HSPA12A: variants seen among roughly 807,000 people sequenced by gnomAD.
HSPA12A encodes the protein heat shock protein family A (Hsp70) member 12A, also known as heat shock 70 kDa protein 12A.
Under a neutral mutation model 69.2 loss-of-function variants are expected in HSPA12A, and 28 were observed. The ratio of observed to expected loss-of-function variants is 0.40; its 90% CI spans 0.30 to 0.55. The LOEUF (loss-of-function observed/expected upper bound fraction) is 0.55. Among genes scored for constraint, HSPA12A ranks in the 20% least tolerant of loss-of-function variants. The probability of loss-of-function intolerance (pLI) is 0.38; values close to 1 mark genes in which losing one functional copy is unlikely to be tolerated. For synonymous variants in HSPA12A, 345 were observed against 370.5 expected, an observed-to-expected ratio of 0.93 and a Z score of 0.79; for missense variants, 686 against 900.7, an observed-to-expected ratio of 0.76 and a Z score of 3.05.
intron 2 of HSPA12A, among the ~76,000 whole-genome samples, chr10:116,810,524 C>A (rs1324405312): frequency 2.6e-5 from 4 of 152,156 alleles, no homozygotes; most frequent in African/African-American, 9.7e-5. Context: ...AAGCACGGCA[C>A]TTTCATATTC....
chr10:116,794,467 G>A (rs1447095986), intron 2 of HSPA12A, among the ~76,000 whole-genome samples: 1 of 152,094 alleles, frequency 6.6e-6, no homozygotes, highest in Non-Finnish European at 1.5e-5. Flanking sequence ...CTGAACACAT[G>A]CAGATCACAT....
At chr10:116,742,827 G>A (rs1398005849), upstream of HSPA12A, among the ~76,000 whole-genome samples, 1 of 151,940 alleles carries the variant, frequency 6.6e-6, no homozygotes, top group Non-Finnish European at 1.5e-5. Flanking sequence ...CGCGGCGGGG[G>A]TAGTGGCGCG....
intron 10 of HSPA12A, among the ~76,000 whole-genome samples, chr10:116,678,281 G>A (rs1406119009): frequency 3.9e-5 from 5 of 129,344 alleles, no homozygotes; most frequent in South Asian, 2.6e-4. Flanking sequence ...ACCACCACCC[G>A]TAAGGCAGAT....
intron 1 of HSPA12A, among the ~76,000 whole-genome samples, chr10:116,727,618 C>G (rs1418527960): frequency 6.6e-6 from 1 of 152,130 alleles, no homozygotes; most frequent in African/African-American, 2.4e-5. Context: ...TAGTAGAAAC[C>G]ATACTTTGAG....
chr10:116,782,156 AAC>A (rs1477021079), intron 2 of HSPA12A, among the ~76,000 whole-genome samples: 1 of 152,214 alleles, frequency 6.6e-6, no homozygotes, highest in African/African-American at 2.4e-5. Flanking sequence ...TGACCAAGAA[AAC>A]ACAAAGTGAG....
At chr10:116,774,873 C>T (rs782283292) in intron 2 of HSPA12A, among the ~76,000 whole-genome samples, 1 of 152,198 alleles carries the variant, frequency 6.6e-6, no homozygotes, top group Non-Finnish European at 1.5e-5. Context: ...GGCTCCTGCA[C>T]CAGCCCCTCG....
chr10:116,720,396 C>T (rs1477530888), intron 1 of HSPA12A, among the ~76,000 whole-genome samples: 1 of 152,228 alleles, frequency 6.6e-6, no homozygotes, highest in Non-Finnish European at 1.5e-5. Context: ...ACTGGCCTCT[C>T]CCAGACACCC....
intron 2 of HSPA12A, among the ~76,000 whole-genome samples, chr10:116,809,338 G>A (rs1463835318): frequency 1.3e-5 from 2 of 152,184 alleles, no homozygotes; most frequent in Non-Finnish European, 2.9e-5. Context: ...AAAGCACCCT[G>A]AACCCTCATG....
At chr10:116,684,053 G>C in intron 6 of HSPA12A, 91 bp from the exon 7 acceptor site, 3 of 1,102,438 alleles carry the variant, frequency 2.7e-6, no homozygotes, top group Non-Finnish European at 3.7e-6. Flanking sequence ...CCCTAAGGAG[G>C]GCGCACTCGT....
At chr10:116,696,720 C>T (rs782202786) in intron 5 of HSPA12A, among the ~76,000 whole-genome samples, 3 of 152,132 alleles carry the variant, frequency 2.0e-5, no homozygotes, top group Admixed American at 6.6e-5. Flanking sequence ...GCTTGGCATC[C>T]GCAGCTCTGC....
intron 2 of HSPA12A, among the ~76,000 whole-genome samples, chr10:116,827,284 A>AG (rs1386516884): frequency 6.6e-6 from 1 of 152,192 alleles, no homozygotes; most frequent in African/African-American, 2.4e-5. Flanking sequence ...GTCTTCCTCA[A>AG]GGGGGAGCCT....
intron 2 of HSPA12A, chr10:116,828,893 A>G (rs1406962260): frequency 1.3e-5 from 2 of 152,230 alleles, no homozygotes; most frequent in Non-Finnish European, 2.9e-5. Flanking sequence ...CAGAAACACC[A>G]GTTGCCTCAG....
intron 2 of HSPA12A, among the ~76,000 whole-genome samples, chr10:116,753,088 T>G (rs1157308719): frequency 1.3e-5 from 2 of 152,210 alleles, no homozygotes; most frequent in Non-Finnish European, 2.9e-5. Context: ...CAAGGGATGT[T>G]GGCCACGTGT....
intron 1 of HSPA12A, among the ~76,000 whole-genome samples, chr10:116,714,749 C>A (rs1439669458): frequency 6.6e-6 from 1 of 152,228 alleles, no homozygotes; most frequent in Non-Finnish European, 1.5e-5. Context: ...TCTGCAGTCT[C>A]TTCTCTCTCT....
chr10:116,717,315 A>AAATCCCCATTG (rs1354790912), intron 1 of HSPA12A, among the ~76,000 whole-genome samples: 80 of 152,290 alleles, frequency 5.3e-4, no homozygotes, highest in African/African-American at 1.8e-3. Context: ...GTGTGAATGT[A>AAATCCCCATTG]AATCCCCATT....
chr10:116,819,269 C>T (rs1216784021), intron 2 of HSPA12A, among the ~76,000 whole-genome samples: 1 of 152,194 alleles, frequency 6.6e-6, no homozygotes, highest in Non-Finnish European at 1.5e-5. Flanking sequence ...GGCTCCACTT[C>T]TTAGATTCCC....
At chr10:116,755,609 CAA>C (rs1204991661) in intron 2 of HSPA12A, among the ~76,000 whole-genome samples, 8 of 46,020 alleles carry the variant, frequency 1.7e-4, no homozygotes, top group African/African-American at 4.1e-4. Context: ...GAGACTGTCT[CAA>C]AAAAAAAAAA....
chr10:116,735,952 C>A (rs1016956334), intron 1 of HSPA12A, among the ~76,000 whole-genome samples: 1 of 152,104 alleles, frequency 6.6e-6, no homozygotes, highest in Non-Finnish European at 1.5e-5. Flanking sequence ...GCCAAGATCA[C>A]GCCACTGCTC....
In HSPA12A at chr10:116,786,416, C is replaced by T. The variant is rs973310148; in HGVS notation, c.91+48519G>A. 3.3e-5 allele frequency among the ~76,000 whole-genome samples: 5 copies of T among 149,402 alleles called. No individual in the cohort carries two copies. The East Asian group carries it at 7.8e-4, about 23-fold the overall frequency. On this transcript the variant is annotated intron_variant, in intron 2 of 12. Coordinates refer to the HSPA12A transcript ENST00000635765. ...GGCCCCTCAGGTAGAGGCACAGGTG[C>T]GTGTGTGCACATTTTCCTGAAAAAA... is the stretch of plus-strand genomic sequence containing the variant.
Sources: allele counts gnomAD v4.1 joint callset (sites outside exome capture counted in the v4.1 genomes callset), GRCh38; gene constraint gnomAD v4.1.1; transcripts MANE v1.5; gene names NCBI Gene and HGNC (gene_info 2026-07-23, HGNC 2026-07-21).